MED13: variants seen among roughly 807,000 people sequenced by gnomAD.
MED13 encodes the protein mediator of RNA polymerase II transcription subunit 13.
A neutral mutation model predicts 225.2 loss-of-function variants in MED13; 23 were observed. The ratio of observed to expected loss-of-function variants is 0.10; its 90% CI spans 0.07 to 0.14. The LOEUF (loss-of-function observed/expected upper bound fraction) is 0.14, where lower values mean the gene tolerates loss of function less well. Ranked by LOEUF, MED13 falls within the 10% of genes least tolerant of loss-of-function variation. The pLI is 1.00. For synonymous variants in MED13, 942 were observed against 889.2 expected (o/e 1.06, Z -1.06); for missense variants, 2,197 against 2,594.5 (o/e 0.85, Z 3.33).
intron 9 of MED13, among the ~76,000 whole-genome samples, chr17:62,008,570 T>C (rs2080476532): frequency 6.6e-6 from 1 of 152,058 alleles, no homozygotes; most frequent in South Asian, 2.1e-4. Flanking sequence ...GGAAATTATT[T>C]TCAATTATGA....
chr17:61,949,802 C>T (rs1466755092), intron 28 of MED13, among the ~76,000 whole-genome samples: 1 of 152,104 alleles, frequency 6.6e-6, no homozygotes, highest in African/African-American at 2.4e-5. Context: ...ATTCTCCTGC[C>T]TCAGTCTCCC....
chr17:61,950,508 C>T (rs1481398032), intron 28 of MED13, among the ~76,000 whole-genome samples: 2 of 151,930 alleles, frequency 1.3e-5, no homozygotes, highest in Admixed American at 6.6e-5. Flanking sequence ...CTTAGCCTCC[C>T]GAGTAGCTGG....
At position 61,972,869 on chromosome 17, in the gene MED13, T is replaced by C. The variant is rs781219512; in HGVS notation, c.3825A>G (p.Ser1275=). 5 of 1,608,328 alleles carry C rather than the reference T, an allele frequency of 3.1e-6. No homozygotes were observed. The highest frequency in any genetic ancestry group is 4.2e-6 in the Non-Finnish European group (5 of 1,178,484). ...AGAGGAGCATTCGAAGTATATCCTG[T>C]GAGCACTGCATACTCACATCTACAA... ...SKRNDVSMQC[S]QDILRMLLSL... The change falls in exon 17 of 30, where the codon TCA becomes TCG. Residue 1275 remains serine, a synonymous_variant. Coordinates refer to ENST00000397786, the MANE Select transcript of MED13 (RefSeq NM_005121.3).
At position 61,984,220 on chromosome 17, in the gene MED13, T is replaced by C; in HGVS notation, c.2839A>G (p.Lys947Glu). ...CIYRQSWTVG[K>E]LELLSSGPSM... Reference sequence around the variant, plus strand: ...GGCCCTGAAGAAAGCAATTCCAATTTTCCAACAGTCCAACTCTGACGGTAA... The same window carrying C: ...GGCCCTGAAGAAAGCAATTCCAATTCTCCAACAGTCCAACTCTGACGGTAA... The change falls in exon 15 of 30, where the codon AAA becomes GAA. Residue 947 changes from lysine to glutamate, a missense_variant. By Grantham distance (56) the Lys-to-Glu change is moderately conservative. Coordinates refer to ENST00000397786, the MANE Select transcript of MED13 (RefSeq NM_005121.3). 9.4e-6 allele frequency: 15 copies of C among 1,603,850 alleles called. No homozygotes were observed. The highest frequency in any genetic ancestry group is 1.3e-5 in the Non-Finnish European group (15 of 1,176,394).
At chr17:61,954,362 A>G (rs1313774738) in intron 26 of MED13, among the ~76,000 whole-genome samples, 1 of 152,218 alleles carries the variant, frequency 6.6e-6, no homozygotes, top group African/African-American at 2.4e-5. Flanking sequence ...CAGTTTATAT[A>G]AATTACATTA....
intron 3 of MED13, among the ~76,000 whole-genome samples, chr17:62,047,760 A>AAGAG (rs375543531): frequency 3.3e-5 from 5 of 149,768 alleles, no homozygotes; most frequent in African/African-American, 9.8e-5. Flanking sequence ...ATCATTAAAA[A>AAGAG]AGAGAGAGAG....
At chr17:61,995,009 G>T in intron 10 of MED13, 143 bp downstream of exon 10, 1 of 671,116 alleles carries the variant, frequency 1.5e-6, no homozygotes, top group Non-Finnish European at 2.4e-6. Context: ...CCGCAGCCGG[G>T]CAAAAATAAG....
chr17:61,979,875 T>G (rs932983898), intron 16 of MED13, among the ~76,000 whole-genome samples: 1 of 152,164 alleles, frequency 6.6e-6, no homozygotes, highest in Non-Finnish European at 1.5e-5. Context: ...AAGTATTTGA[T>G]AGAGATGATC....
chr17:61,995,319 C>T lies in MED13; in HGVS notation c.2014G>A (p.Val672Met), dbSNP rs371002272. 1 of 1,613,192 alleles carries T rather than the reference C, an allele frequency of 6.2e-7. No homozygotes were observed. The highest frequency in any genetic ancestry group is 1.3e-5 in the African/African-American group (1 of 74,846). ...KKPLKVSDEL[V>M]QQYQIKNQCL... Reference sequence around the variant, plus strand: ...TGGTTTTTAATTTGATATTGCTGCACTAATTCATCAGAAACTTTTAAAGGT... The same window carrying T: ...TGGTTTTTAATTTGATATTGCTGCATTAATTCATCAGAAACTTTTAAAGGT... The change falls in exon 10 of 30, where the codon GTG (valine) becomes ATG (methionine). Residue 672 changes from valine to methionine, a missense_variant. Transcript: ENST00000397786.
intron 8 of MED13, among the ~76,000 whole-genome samples, chr17:62,016,402 C>A (rs1194642634): frequency 6.6e-6 from 1 of 151,992 alleles, no homozygotes; most frequent in Non-Finnish European, 1.5e-5. Flanking sequence ...AGATGCATCC[C>A]CCTCATCAAA....
rs1458694872 is a variant in MED13 at position 61,984,672 on chromosome 17, G to A, written c.2670C>T (p.Ser890=). ...TTACTTTAATTTCAGAAGGTTTGGGGCTACAGAATCCCTCATCAACCTCAA... is the reference window on the plus strand; with the variant it reads ...TTACTTTAATTTCAGAAGGTTTGGGACTACAGAATCCCTCATCAACCTCAA... ...FKIEVDEGFC[S]PKPSEIKDFS... Residue 890 remains serine, a synonymous_variant, in exon 14 of 30, where the codon AGC becomes AGT. Transcript: ENST00000397786. 6.2e-7 allele frequency: 1 copy of A among 1,612,476 alleles called. No homozygotes were observed. The highest frequency in any genetic ancestry group is 1.7e-5 in the Admixed American group (1 of 59,906).
chr17:61,952,920 C>T (rs756968263), intron 27 of MED13, 45 bp downstream of exon 27: 18 of 1,589,492 alleles, frequency 1.1e-5, no homozygotes, highest in South Asian at 2.3e-5. Flanking sequence ...TAGGCGTAAG[C>T]CACTGCGCCC....
At position 61,961,744 on chromosome 17, in the gene MED13, C is replaced by T. The variant is rs747188249; in HGVS notation, c.5100G>A (p.Lys1700=). The change falls in exon 22 of 30, where the codon AAG becomes AAA. Residue 1700 remains lysine, a synonymous_variant. Transcript: ENST00000397786. ...GGGGATAGATTTCTCTATCTTCATG[C>T]TTCACAGGTTGCAACAGGTACTGAC... ...IPCQYLLQPV[K]HEDREIYPQH... is the part of the protein sequence containing the mutation. 6.2e-7 allele frequency: 1 copy of T among 1,614,020 alleles called. No homozygotes were observed. The highest frequency in any genetic ancestry group is 1.1e-5 in the South Asian group (1 of 91,074).
intron 8 of MED13, among the ~76,000 whole-genome samples, chr17:62,024,023 CTT>C (rs200282637): frequency 5.4e-5 from 8 of 148,604 alleles, no homozygotes; most frequent in Non-Finnish European, 1.0e-4. Context: ...TTAAAAATGA[CTT>C]TTTTTTTTTT....
rs77756374 is a variant in MED13 at position 62,063,976 on chromosome 17, C to T, written c.67-675G>A. 6.4e-4 allele frequency among the ~76,000 whole-genome samples: 97 copies of T among 152,162 alleles called. 1 individual carries two copies. The East Asian group carries it at 0.018, about 28-fold the overall frequency. ...ATTGAAAAGAAAAACATACTGTAGACGAGGATAGAGTATTAAAGATCTCAA... is the reference window on the plus strand; with the variant it reads ...ATTGAAAAGAAAAACATACTGTAGATGAGGATAGAGTATTAAAGATCTCAA... On this transcript the variant is annotated intron_variant, in intron 1 of 29. Transcript: ENST00000397786.
At chr17:62,040,196 CATCAA>C (rs1158324814) in intron 3 of MED13, among the ~76,000 whole-genome samples, 1 of 152,102 alleles carries the variant, frequency 6.6e-6, no homozygotes, top group African/African-American at 2.4e-5. Flanking sequence ...TGTATCATCC[CATCAA>C]ACATTTTTGG....
chr17:62,063,445 G>T (rs1319692321), intron 1 of MED13, 144 bp from the exon 2 acceptor site: 3 of 566,116 alleles, frequency 5.3e-6, no homozygotes, highest in Admixed American at 3.3e-5. Context: ...AACAAAAAAA[G>T]ACTTTATAAT....
chr17:62,059,220 G>A (rs144633347), intron 2 of MED13, among the ~76,000 whole-genome samples: 13 of 152,190 alleles, frequency 8.5e-5, no homozygotes, highest in African/African-American at 2.4e-4. Flanking sequence ...TATCAATATT[G>A]GTTCATTAGT....
At chr17:62,017,707 A>G (rs767567553) in intron 8 of MED13, among the ~76,000 whole-genome samples, 4 of 152,180 alleles carry the variant, frequency 2.6e-5, no homozygotes, top group Non-Finnish European at 5.9e-5. Context: ...ACCACCACAC[A>G]TTCAGTTTGT....
Sources: gnomAD v4.1 joint callset for allele counts (sites outside exome capture counted in the v4.1 genomes callset) on GRCh38, gnomAD v4.1.1 for gene constraint, MANE v1.5 for transcripts, NCBI Gene and HGNC (gene_info 2026-07-23, HGNC 2026-07-21) for gene names.